CHD7: variants seen among roughly 807,000 people sequenced by gnomAD.
The protein encoded by CHD7 is ATP-dependent chromatin remodeler CHD7.
Under a neutral mutation model 307.3 loss-of-function variants are expected in CHD7, and 24 were observed. The ratio of observed to expected loss-of-function variants is 0.08; its 90% CI spans 0.06 to 0.11. CHD7 has a LOEUF of 0.11. CHD7 is among the 10% of genes least tolerant of loss of function. The pLI, the probability that CHD7 is intolerant of heterozygous loss-of-function variation, is 1.00. For synonymous variants in CHD7, 1,363 were observed against 1,349.9 expected (o/e 1.01, Z -0.21); for missense variants, 3,106 against 3,727.1 (o/e 0.83, Z 4.34).
intron 2 of CHD7, among the ~76,000 whole-genome samples, chr8:60,743,987 C>G (rs1809192752): frequency 6.6e-6 from 1 of 152,148 alleles, no homozygotes; most frequent in African/African-American, 2.4e-5. Context: ...GACTTATTAT[C>G]AATTTTGGGG....
chr8:60,800,352 T>C, intron 4 of CHD7, 36 bp from the exon 5 acceptor site: 1 of 1,602,246 alleles, frequency 6.2e-7, no homozygotes, highest in South Asian at 1.1e-5. Context: ...TTTTAATCAT[T>C]AATTTCAAGG....
chr8:60,700,660 G>T (rs867581981), intron 1 of CHD7, among the ~76,000 whole-genome samples: 1 of 152,338 alleles, frequency 6.6e-6, no homozygotes, highest in Admixed American at 6.5e-5. Context: ...CTGTCAACAT[G>T]CAGCTTTCTA....
At chr8:60,834,180 A>G (rs796109494) in intron 15 of CHD7, among the ~76,000 whole-genome samples, 7 of 152,346 alleles carry the variant, frequency 4.6e-5, no homozygotes, top group African/African-American at 1.7e-4. Context: ...ATTTGTTAAA[A>G]AAATTTAACT....
At position 60,678,764 on chromosome 8, in the gene CHD7, C is replaced by CGGCGGCGGCGGCGGCGGCGGCG; in HGVS notation, c.-492_-491insGCGGCGGCGGCGGCGGCGGCGG. On this transcript the variant is annotated 5_prime_UTR_variant, in exon 1 of 38. Coordinates refer to ENST00000423902, the MANE Select transcript of CHD7 (RefSeq NM_017780.4). ...CGCGCAGGCGCTGGCGTGCTGGGGC[C>CGGCGGCGGCGGCGGCGGCGGCG]GCGGCGGCGGCGGCGGCGGCGGCGG... is the stretch of plus-strand genomic sequence containing the variant. 1 of 138,166 alleles carries CGGCGGCGGCGGCGGCGGCGGCG rather than the reference C, an allele frequency of 7.2e-6. No individual in the cohort carries two copies. The highest frequency in any genetic ancestry group is 2.6e-5 in the African/African-American group (1 of 37,740). The allele number at this position is 138,166 out of a possible 1,614,324, so 8.6% of individuals were successfully genotyped here.
At position 60,865,194 on chromosome 8, in the gene CHD7, G is replaced by A; in HGVS notation, c.8255G>A (p.Gly2752Glu). ...TTGCTGGTGAACAGCCTGTTTGCTG[G>A]AATGGACCTGACGAGCCTTCAGAAT... The part of the protein sequence containing the change: ...NPLLVNSLFA[G>E]MDLTSLQNLQ... The change falls in exon 38 of 38, where the codon GGA becomes GAA. Residue 2752 changes from glycine (G) to glutamate (E), a missense_variant. This residue lies in a region of CHD7 where 351 missense variants were observed against 366.2 expected (regional missense o/e 0.96). Coordinates refer to ENST00000423902, the MANE Select transcript of CHD7 (RefSeq NM_017780.4). The surrounding 1 kb of genome is among the most constrained non-coding windows in gnomAD (Gnocchi z 4.3). 1 of 1,611,460 alleles carries A rather than the reference G, an allele frequency of 6.2e-7. No homozygotes were observed.
intron 2 of CHD7, among the ~76,000 whole-genome samples, chr8:60,743,975 T>C (rs1809192012): frequency 6.6e-6 from 1 of 152,250 alleles, no homozygotes; most frequent in Non-Finnish European, 1.5e-5. Flanking sequence ...CTTGTTTTGA[T>C]GGACTTATTA....
intron 15 of CHD7, among the ~76,000 whole-genome samples, chr8:60,831,798 A>G (rs1804530336): frequency 6.6e-6 from 1 of 152,122 alleles, no homozygotes; most frequent in African/African-American, 2.4e-5. Flanking sequence ...AGGGAGCACA[A>G]CCTGGTCTGT....
chr8:60,789,336 T>C (rs1255742961), intron 3 of CHD7, among the ~76,000 whole-genome samples: 1 of 152,270 alleles, frequency 6.6e-6, no homozygotes, highest in Admixed American at 6.5e-5. Context: ...AAGAATATGC[T>C]TTAATACCTT....
intron 1 of CHD7, among the ~76,000 whole-genome samples, chr8:60,683,213 T>A (rs993067953): frequency 1.3e-5 from 2 of 152,256 alleles, no homozygotes; most frequent in African/African-American, 4.8e-5. Flanking sequence ...TAAAACTTTA[T>A]TATTTAGTCT....
rs199614124 is a variant in CHD7, at chr8:60,853,078, A to G, written c.6353A>G (p.Asn2118Ser). The stretch of plus-strand genomic sequence containing the variant: ...AGTCGGACGGATTATCACATCCTCA[A>G]TGACCCTGAGTTATCCTTCTTGGAT... ...GVSRTDYHIL[N>S]DPELSFLDAH... The change falls in exon 31 of 38, where the codon AAT becomes AGT. Residue 2118 changes from asparagine (N) to serine (S), a missense_variant. Physicochemically the swap from Asn to Ser is conservative, Grantham distance 46 (BLOSUM62 1). Transcript: ENST00000423902. The G allele has an allele frequency of 9.2e-5, 149 of 1,613,974 alleles. 1 individual carries two copies. Among genetic ancestry groups the G allele is most frequent in the African/African-American group, 6.9e-4 (52 of 75,040 alleles).
intron 2 of CHD7, among the ~76,000 whole-genome samples, chr8:60,769,532 A>G (rs1810617328): frequency 6.6e-6 from 1 of 152,206 alleles, no homozygotes; most frequent in African/African-American, 2.4e-5. Context: ...GTTAGGTTTT[A>G]TGCAGATGGG....
At chr8:60,730,465 G>A (rs1279607142) in intron 1 of CHD7, among the ~76,000 whole-genome samples, 1 of 152,202 alleles carries the variant, frequency 6.6e-6, no homozygotes, top group African/African-American at 2.4e-5. Flanking sequence ...AATGATAAAT[G>A]TAGGTACAGT....
At chr8:60,752,630 T>A (rs1251369692) in intron 2 of CHD7, among the ~76,000 whole-genome samples, 2 of 152,232 alleles carry the variant, frequency 1.3e-5, no homozygotes, top group Non-Finnish European at 2.9e-5. Context: ...AGACTTAAAA[T>A]TCTTATTGAA....
At chr8:60,751,940 A>G (rs1809661570) in intron 2 of CHD7, among the ~76,000 whole-genome samples, 1 of 152,206 alleles carries the variant, frequency 6.6e-6, no homozygotes, top group African/African-American at 2.4e-5. Flanking sequence ...AGTGATGGCC[A>G]GGGAAGGCTG....
At chr8:60,696,998 A>T (rs887954183) in intron 1 of CHD7, among the ~76,000 whole-genome samples, 4 of 151,992 alleles carry the variant, frequency 2.6e-5, no homozygotes, top group African/African-American at 9.7e-5. Context: ...ATTTTTAAAA[A>T]TTTTCTGTAG....
intron 1 of CHD7, among the ~76,000 whole-genome samples, chr8:60,722,134 C>A (rs1485081774): frequency 3.3e-5 from 5 of 152,134 alleles, no homozygotes; most frequent in Non-Finnish European, 5.9e-5. Context: ...TGGTCTTTAC[C>A]CACTTCTTTT....
intron 34 of CHD7, among the ~76,000 whole-genome samples, chr8:60,858,513 T>C (rs937359968): frequency 1.3e-5 from 2 of 152,242 alleles, no homozygotes; most frequent in Non-Finnish European, 2.9e-5. Flanking sequence ...TGATAAATTC[T>C]TTCTCCATAA....
At chr8:60,691,839 G>A (rs62524911) in intron 1 of CHD7, among the ~76,000 whole-genome samples, 2,890 of 152,234 alleles carry the variant, frequency 0.019, 40 homozygotes, top group Non-Finnish European at 0.03. Context: ...AGACCCTGTG[G>A]AATTTGTAAA....
intron 36 of CHD7, 47 bp from the exon 37 acceptor site, chr8:60,862,496 AAAGGG>A (rs1178660847): frequency 6.6e-7 from 1 of 1,511,984 alleles, no homozygotes; most frequent in Non-Finnish European, 9.0e-7. Context: ...AGATTAACAG[AAAGGG>A]GAGGGAAGAC....
Sources: allele counts gnomAD v4.1 joint callset (sites outside exome capture counted in the v4.1 genomes callset), GRCh38; gene constraint gnomAD v4.1.1; regional missense constraint gnomAD v4.1.1; non-coding constraint Gnocchi (gnomAD v3.1); transcripts MANE v1.5; gene names NCBI Gene and HGNC (gene_info 2026-07-23, HGNC 2026-07-21).